Variants in HDAC9 observed in about 807,000 individuals in gnomAD.
HDAC9 encodes the protein histone deacetylase 9.
HDAC9 carries 41 observed loss-of-function variants against 139.4 expected under a neutral mutation model. The ratio of observed to expected loss-of-function variants is 0.29; its 90% CI spans 0.23 to 0.38. The LOEUF is 0.38. Among genes scored for constraint, HDAC9 ranks in the 10% least tolerant of loss-of-function variants. The pLI is 1.00. For missense variants in HDAC9, 1,147 were observed against 1,297.0 expected, an observed-to-expected ratio of 0.88 and a Z score of 1.78; for synonymous variants, 517 against 476.2, an observed-to-expected ratio of 1.09 and a Z score of -1.12.
rs112375776 is a variant in HDAC9 at position 18,651,964 on chromosome 7, G to C, written c.1467+3281G>C. 6.6e-5 allele frequency among the ~76,000 whole-genome samples: 10 copies of C among 152,194 alleles called. 1 individual carries two copies. Among genetic ancestry groups the C allele is most frequent in the African/African-American group, 2.4e-4 (10 of 41,536 alleles). On this transcript the variant is annotated intron_variant, in intron 11 of 25. Coordinates refer to ENST00000686413, the MANE Select transcript of HDAC9 (RefSeq NM_178425.4). ...AACCCTGTGAGAATGATTTATCTCT[G>C]CTCATGAGTTTGAATATTCTATTTT...
intron 2 of HDAC9, among the ~76,000 whole-genome samples, chr7:18,532,762 C>G (rs534331727): frequency 7.9e-5 from 12 of 151,524 alleles, no homozygotes; most frequent in Admixed American, 7.9e-4. Flanking sequence ...TCTGCCTCTC[C>G]CCAATCCTCC....
At chr7:18,296,037 T>C (rs962526327) in intron 1 of HDAC9, among the ~76,000 whole-genome samples, 2 of 152,206 alleles carry the variant, frequency 1.3e-5, no homozygotes, top group Non-Finnish European at 2.9e-5. Flanking sequence ...TGCCTTTTTT[T>C]CATGGTCTAC....
intron 14 of HDAC9, among the ~76,000 whole-genome samples, chr7:18,759,400 C>A (rs1173794745): frequency 6.6e-6 from 1 of 151,958 alleles, no homozygotes; most frequent in Non-Finnish European, 1.5e-5. Context: ...GAGCGCTAAC[C>A]CTATTGTGAA....
At chr7:18,598,013 C>T (rs1832941493) in intron 6 of HDAC9, among the ~76,000 whole-genome samples, 1 of 152,168 alleles carries the variant, frequency 6.6e-6, no homozygotes, top group Non-Finnish European at 1.5e-5. Context: ...AGATATGTAG[C>T]TTTATAAATT....
At chr7:18,406,932 C>T (rs1671446719) in intron 1 of HDAC9, among the ~76,000 whole-genome samples, 1 of 151,960 alleles carries the variant, frequency 6.6e-6, no homozygotes, top group Admixed American at 6.6e-5. Flanking sequence ...CAGAAATAAT[C>T]AGATATATCT....
intron 23 of HDAC9, among the ~76,000 whole-genome samples, chr7:18,950,895 T>A (rs1386878564): frequency 6.6e-6 from 1 of 151,968 alleles, no homozygotes; most frequent in Non-Finnish European, 1.5e-5. Context: ...CGCTAACAAG[T>A]CTATTTAATA....
chr7:18,862,332 TAGA>T (rs1585175690), intron 21 of HDAC9, among the ~76,000 whole-genome samples: 1 of 152,096 alleles, frequency 6.6e-6, no homozygotes, highest in African/African-American at 2.4e-5. Context: ...AGAAAAATCA[TAGA>T]ATAATAGAGC....
chr7:18,227,157 T>C lies in HDAC9; in HGVS notation c.25+64808T>C, dbSNP rs142118891. 6.5e-3 allele frequency among the ~76,000 whole-genome samples: 983 copies of C among 152,302 alleles called. 16 individuals carry two copies. Among genetic ancestry groups the C allele is most frequent in the African/African-American group, 0.023 (949 of 41,568 alleles). On this transcript the variant is annotated intron_variant, in intron 2 of 12. Transcript: ENST00000417496. ...GAATGCCTTTTATTTGAAATACTGA[T>C]CAATGGGTTTATGTTAAAGCTAGGG...
chr7:18,754,726 T>C (rs899165314), intron 14 of HDAC9, among the ~76,000 whole-genome samples: 1 of 152,116 alleles, frequency 6.6e-6, no homozygotes, highest in South Asian at 2.1e-4. Flanking sequence ...TTCAGGGTCT[T>C]CTCGGCAGTT....
At chr7:18,487,913 A>G (rs1347997019) in intron 1 of HDAC9, among the ~76,000 whole-genome samples, 3 of 152,052 alleles carry the variant, frequency 2.0e-5, no homozygotes, top group Non-Finnish European at 2.9e-5. Flanking sequence ...GTAGTAACTT[A>G]GTCTTGTCAC....
intron 17 of HDAC9, among the ~76,000 whole-genome samples, chr7:18,813,109 T>C (rs1276918745): frequency 6.6e-6 from 1 of 151,938 alleles, no homozygotes; most frequent in Non-Finnish European, 1.5e-5. Context: ...GTCTTATACT[T>C]CTGAGTCATT....
At chr7:18,387,387 C>G (rs1786041536) in intron 1 of HDAC9, among the ~76,000 whole-genome samples, 1 of 152,180 alleles carries the variant, frequency 6.6e-6, no homozygotes, top group South Asian at 2.1e-4. Context: ...ACATTTTATT[C>G]TCTTTTGCTA....
At chr7:18,326,678 A>T (rs2128642418) in intron 1 of HDAC9, among the ~76,000 whole-genome samples, 1 of 152,124 alleles carries the variant, frequency 6.6e-6, no homozygotes, top group African/African-American at 2.4e-5. Context: ...AATTATTGAG[A>T]TTTTTAAAAA....
chr7:18,174,241 G>A (rs539771040), intron 2 of HDAC9, among the ~76,000 whole-genome samples: 7 of 151,874 alleles, frequency 4.6e-5, no homozygotes, highest in African/African-American at 7.3e-5. Context: ...TGATCGAATC[G>A]GCTATTGAAG....
At chr7:18,341,371 T>C (rs1781995773) in intron 1 of HDAC9, among the ~76,000 whole-genome samples, 1 of 151,808 alleles carries the variant, frequency 6.6e-6, no homozygotes, top group African/African-American at 2.4e-5. Flanking sequence ...GCTTCAAATA[T>C]ATGTAACTTA....
intron 1 of HDAC9, among the ~76,000 whole-genome samples, chr7:18,456,244 T>G (rs989423149): frequency 3.3e-5 from 5 of 152,158 alleles, no homozygotes; most frequent in African/African-American, 1.2e-4. Flanking sequence ...GGTTGGTTGG[T>G]TGATTTTTTT....
At chr7:18,181,747 C>A (rs1789449566) in intron 2 of HDAC9, among the ~76,000 whole-genome samples, 1 of 151,942 alleles carries the variant, frequency 6.6e-6, no homozygotes, top group Non-Finnish European at 1.5e-5. Flanking sequence ...TAGGTGGAGC[C>A]CAGGGGTCCT....
At chr7:18,756,778 T>G (rs1788914184) in intron 14 of HDAC9, among the ~76,000 whole-genome samples, 1 of 152,162 alleles carries the variant, frequency 6.6e-6, no homozygotes, top group African/African-American at 2.4e-5. Context: ...GCTCCCAACT[T>G]GCAATTCTCT....
At chr7:18,786,492 TC>T in intron 16 of HDAC9, among the ~76,000 whole-genome samples, 1 of 76,992 alleles carries the variant, frequency 1.3e-5, no homozygotes, top group Non-Finnish European at 3.3e-5. Flanking sequence ...CTTTCTTCCT[TC>T]CTTCCTTCCT....
Sources: allele counts gnomAD v4.1 joint callset (sites outside exome capture counted in the v4.1 genomes callset), GRCh38; gene constraint gnomAD v4.1.1; transcripts MANE v1.5; gene names NCBI Gene and HGNC (gene_info 2026-07-23, HGNC 2026-07-21).